Variants in RNF152 observed in about 807,000 individuals in gnomAD.
RNF152 encodes ring finger protein 152.
In RNF152, 11 loss-of-function variants were observed where a neutral mutation model predicts 12.7. The ratio of observed to expected loss-of-function variants is 0.86; its 90% CI spans 0.54 to 1.43. The LOEUF (loss-of-function observed/expected upper bound fraction) is 1.43. Among genes scored for constraint, RNF152 ranks in the 40% most tolerant of loss-of-function variants. The pLI, the probability that RNF152 is intolerant of heterozygous loss-of-function variation, is 0.00. For missense variants in RNF152, 255 were observed against 274.8 expected (o/e 0.93, Z 0.51); for synonymous variants, 113 against 120.3 (o/e 0.94, Z 0.40).
chr18:61,868,142 A>G (rs1911823256), intron 1 of RNF152, among the ~76,000 whole-genome samples: 1 of 152,190 alleles, frequency 6.6e-6, no homozygotes, highest in Admixed American at 6.5e-5. Context: ...TAGCCAGCAC[A>G]GGCATTCAGA....
At position 61,811,928 on chromosome 18, in the gene RNF152, G is replaced by A. The variant is rs933083612; in HGVS notation, c.*3924C>T. 1.3e-5 allele frequency: 2 copies of A among 152,156 alleles called. No homozygotes were observed. The highest frequency in any genetic ancestry group is 1.3e-4 in the Admixed American group (2 of 15,272). The allele number at this position is 152,156 out of a possible 1,614,324, so 9.4% of individuals were successfully genotyped here. The stretch of plus-strand genomic sequence containing the variant: ...AATAAAGCATTCTTTAAGCTTCACT[G>A]ATCATTCCTTGGCCTAAAATCTATA... On this transcript the variant is annotated 3_prime_UTR_variant, in exon 2 of 2. Transcript: ENST00000312828.
chr18:61,818,376 T>C (rs1187787484), intron 1 of RNF152, among the ~76,000 whole-genome samples: 1 of 151,946 alleles, frequency 6.6e-6, no homozygotes, highest in African/African-American at 2.4e-5. Context: ...TGAGCCGTGT[T>C]TGCACCACTG....
chr18:61,824,002 T>G (rs534938352), intron 1 of RNF152, among the ~76,000 whole-genome samples: 16 of 152,194 alleles, frequency 1.1e-4, no homozygotes, highest in Non-Finnish European at 2.1e-4. Context: ...CAGCCCCAGG[T>G]GCATTTTGTT....
At chr18:61,824,491 G>A (rs547233950) in intron 1 of RNF152, among the ~76,000 whole-genome samples, 1 of 152,362 alleles carries the variant, frequency 6.6e-6, no homozygotes, top group South Asian at 2.1e-4. Flanking sequence ...GCGCATTTAT[G>A]TGAGATGGGG....
intron 1 of RNF152, among the ~76,000 whole-genome samples, chr18:61,872,191 T>C (rs941475710): frequency 4.6e-5 from 7 of 152,098 alleles, no homozygotes; most frequent in Non-Finnish European, 8.8e-5. Flanking sequence ...GAGAACTCTA[T>C]CAGGAGAACA....
At chr18:61,894,184 AGGC>A (rs1175913865), upstream of RNF152, 4 of 151,194 alleles carry the variant, frequency 2.6e-5, no homozygotes, top group Non-Finnish European at 3.0e-5. The surrounding 1 kb of genome is among the most constrained non-coding windows in gnomAD (Gnocchi z 4.9). Flanking sequence ...CTCGCTACAG[AGGC>A]GGCGGCGGCG....
chr18:61,882,207 CCAAAAT>C (rs1299171614), intron 1 of RNF152, among the ~76,000 whole-genome samples: 1 of 152,096 alleles, frequency 6.6e-6, no homozygotes, highest in African/African-American at 2.4e-5. Flanking sequence ...ATTACAAAAT[CCAAAAT>C]CCAAAACATA....
intron 1 of RNF152, among the ~76,000 whole-genome samples, chr18:61,860,572 A>G (rs1911426681): frequency 6.6e-6 from 1 of 152,260 alleles, no homozygotes; most frequent in South Asian, 2.1e-4. Context: ...TCTAGCACAC[A>G]CAATCATGTA....
At chr18:61,869,093 T>C (rs1911870198) in intron 1 of RNF152, among the ~76,000 whole-genome samples, 1 of 152,152 alleles carries the variant, frequency 6.6e-6, no homozygotes, top group Non-Finnish European at 1.5e-5. Flanking sequence ...GTAATCTCGA[T>C]TGTTATATAA....
At chr18:61,839,075 C>T (rs1201431685) in intron 1 of RNF152, among the ~76,000 whole-genome samples, 1 of 149,278 alleles carries the variant, frequency 6.7e-6, no homozygotes, top group East Asian at 2.0e-4. Context: ...AAAAAAAGTA[C>T]TAATAACTTT....
At position 61,814,989 on chromosome 18, in the gene RNF152, C is replaced by T. The variant is rs528249719; in HGVS notation, c.*863G>A. On this transcript the variant is annotated 3_prime_UTR_variant, in exon 2 of 2. Coordinates refer to ENST00000312828, the MANE Select transcript of RNF152 (RefSeq NM_173557.3). ...TTCATGCCCAATGAAGTCTTCATCCCAGGATTCTTCAGCAAAGACTCAAAC... is the reference window on the plus strand; with the variant it reads ...TTCATGCCCAATGAAGTCTTCATCCTAGGATTCTTCAGCAAAGACTCAAAC... The T allele has an allele frequency of 1.5e-4, 23 of 152,680 alleles. No individual in the cohort carries two copies. The East Asian group carries it at 4.2e-3, about 28-fold the overall frequency. 9.5% of individuals were successfully genotyped at this position (152,680 alleles called of 1,614,324 possible). A position where few individuals can be genotyped will look rare whatever the true frequency, so the allele number is the denominator to read the frequency against.
upstream of RNF152, chr18:61,894,292 C>A (rs1263289349): frequency 6.6e-6 from 1 of 150,640 alleles, no homozygotes; most frequent in Non-Finnish European, 1.5e-5. The surrounding 1 kb of genome is among the most constrained non-coding windows in gnomAD (Gnocchi z 4.9). Context: ...CCGAGAGCCA[C>A]GGGGCGGACG....
chr18:61,879,692 G>C (rs1044458735), intron 1 of RNF152, among the ~76,000 whole-genome samples: 1 of 152,118 alleles, frequency 6.6e-6, no homozygotes, highest in African/African-American at 2.4e-5. Flanking sequence ...GGCCAGGCAC[G>C]ATGGCTCACA....
rs964227960 is a variant in RNF152, at chr18:61,859,677, A to G, written c.-136+33118T>C. 4.6e-5 allele frequency among the ~76,000 whole-genome samples: 7 copies of G among 152,260 alleles called. No homozygotes were observed. In the East Asian group the frequency reaches 1.4e-3, roughly 29 times the overall value. On this transcript the variant is annotated intron_variant, in intron 1 of 1. Transcript: ENST00000312828. Reference sequence around the variant, plus strand: ...GCAGATCACTTGAAGTCAGGAGTTCAAGACCAGACTGGCCAACATGGCGAA... The same window carrying G: ...GCAGATCACTTGAAGTCAGGAGTTCGAGACCAGACTGGCCAACATGGCGAA...
At chr18:61,854,045 T>C (rs1048981042) in intron 1 of RNF152, among the ~76,000 whole-genome samples, 1 of 152,222 alleles carries the variant, frequency 6.6e-6, no homozygotes, top group Admixed American at 6.5e-5. Context: ...TGAGCCAAGC[T>C]GATACCTAAT....
At chr18:61,836,994 T>C (rs1363862976) in intron 1 of RNF152, among the ~76,000 whole-genome samples, 1 of 152,228 alleles carries the variant, frequency 6.6e-6, no homozygotes, top group Admixed American at 6.5e-5. Flanking sequence ...TAAAGAGAGT[T>C]ATCTTTACAG....
chr18:61,816,634 T>C (rs1286071679), intron 1 of RNF152, 36 bp from the exon 2 acceptor site: 17 of 673,360 alleles, frequency 2.5e-5, no homozygotes, highest in South Asian at 1.1e-4. Context: ...ATCTTAATTA[T>C]TTCAAAGAAG....
At chr18:61,880,466 G>A (rs879145725) in intron 1 of RNF152, among the ~76,000 whole-genome samples, 4 of 152,116 alleles carry the variant, frequency 2.6e-5, no homozygotes, top group South Asian at 2.1e-4. Flanking sequence ...GCACAAACTC[G>A]CCACGTAACC....
chr18:61,831,953 G>C (rs1056368747), intron 1 of RNF152, among the ~76,000 whole-genome samples: 1 of 151,904 alleles, frequency 6.6e-6, no homozygotes, highest in Non-Finnish European at 1.5e-5. Flanking sequence ...AGGGGTGTGT[G>C]TCTTGATCTG....
Sources: gnomAD v4.1 joint callset for allele counts (sites outside exome capture counted in the v4.1 genomes callset) on GRCh38, gnomAD v4.1.1 for gene constraint, Gnocchi (gnomAD v3.1) non-coding constraint, MANE v1.5 for transcripts, NCBI Gene and HGNC (gene_info 2026-07-23, HGNC 2026-07-21) for gene names.